The following MRPL1 variants were observed in gnomAD, a reference collection of about 807,000 sequenced individuals.
MRPL1 encodes mitochondrial ribosomal protein L1.
Under a neutral mutation model 38.0 loss-of-function variants are expected in MRPL1, and 28 were observed. The ratio of observed to expected loss-of-function variants is 0.74; its 90% CI spans 0.55 to 1.01. The LOEUF is 1.01. MRPL1 is among the 50% of genes least tolerant of loss of function. The pLI is 0.00. For synonymous variants in MRPL1, 123 were observed against 126.7 expected, an observed-to-expected ratio of 0.97 and a Z score of 0.20; for missense variants, 358 against 389.8, an observed-to-expected ratio of 0.92 and a Z score of 0.69.
At chr4:77,871,916 A>G (rs1735290165) in intron 2 of MRPL1, 61 bp downstream of exon 2, 2 of 1,097,872 alleles carry the variant, frequency 1.8e-6, no homozygotes, top group Admixed American at 2.0e-5. Context: ...TTTAAAAAGC[A>G]TGTTTAGTTC....
chr4:77,890,405 A>G (rs542564188), intron 5 of MRPL1, among the ~76,000 whole-genome samples: 1 of 152,334 alleles, frequency 6.6e-6, no homozygotes, highest in South Asian at 2.1e-4. Context: ...ATCTCAATAG[A>G]TGCAGAAAAG....
chr4:77,881,843 G>T (rs552118619), intron 2 of MRPL1, among the ~76,000 whole-genome samples: 5 of 152,216 alleles, frequency 3.3e-5, no homozygotes, highest in Admixed American at 2.0e-4. Flanking sequence ...AGAAAGGGCG[G>T]GAACAGACTC....
chr4:77,946,632 T>C (rs1737276661), intron 7 of MRPL1, among the ~76,000 whole-genome samples: 1 of 152,198 alleles, frequency 6.6e-6, no homozygotes, highest in Non-Finnish European at 1.5e-5. Context: ...CATATTAAAA[T>C]GAAATATTCA....
chr4:77,941,063 C>G (rs571923531), intron 7 of MRPL1, among the ~76,000 whole-genome samples: 27 of 152,128 alleles, frequency 1.8e-4, no homozygotes, highest in Admixed American at 1.7e-3. Flanking sequence ...GTCAGGAGTT[C>G]AAGACCACCC....
At chr4:77,894,822 A>C (rs562029623) in intron 6 of MRPL1, among the ~76,000 whole-genome samples, 12 of 152,158 alleles carry the variant, frequency 7.9e-5, no homozygotes, top group Non-Finnish European at 1.5e-4. Flanking sequence ...ATAGGTGAGG[A>C]ATCAGGGAAG....
Position 77,868,364 on chromosome 4 carries a change from C to T in MRPL1, c.32-3380C>T, listed in dbSNP as rs1027453541. Among the ~76,000 whole-genome samples the T allele has an allele frequency of 4.6e-5, 7 of 152,152 alleles. No individual in the cohort carries two copies. In the South Asian group the frequency reaches 6.2e-4, roughly 14 times the overall value. ...TCAAGCAGTTCCTGCCTCAGCCTCC[C>T]GAGTAGCTGGGATTACAGGAGCATG... On this transcript the variant is annotated intron_variant, in intron 1 of 8. Transcript: ENST00000315567.
intron 8 of MRPL1, 107 bp downstream of exon 8, chr4:77,949,985 A>G: frequency 1.9e-6 from 1 of 532,242 alleles, no homozygotes; most frequent in Non-Finnish European, 3.4e-6. Context: ...AGCAAAATGT[A>G]AAATATTAAA....
chr4:77,877,973 G>A (rs111787486), intron 2 of MRPL1, among the ~76,000 whole-genome samples: 3 of 152,246 alleles, frequency 2.0e-5, no homozygotes, highest in African/African-American at 7.2e-5. Flanking sequence ...CACCTGGTGG[G>A]AGGTATGTGG....
At chr4:77,887,891 T>G (rs1348908625) in intron 5 of MRPL1, among the ~76,000 whole-genome samples, 1 of 152,144 alleles carries the variant, frequency 6.6e-6, no homozygotes, top group Non-Finnish European at 1.5e-5. Context: ...TTTCGCTTCT[T>G]TTTTGTCTGA....
chr4:77,926,612 CTT>C (rs113752899), intron 7 of MRPL1, among the ~76,000 whole-genome samples: 2 of 134,934 alleles, frequency 1.5e-5, no homozygotes, highest in African/African-American at 2.9e-5. Context: ...TTCTTTTTTA[CTT>C]TTTTTTTTTT....
At chr4:77,930,054 C>T (rs1281947785) in intron 7 of MRPL1, among the ~76,000 whole-genome samples, 7 of 152,136 alleles carry the variant, frequency 4.6e-5, no homozygotes, top group African/African-American at 7.2e-5. Context: ...GACCAGATTT[C>T]GAAGTACCAT....
intron 2 of MRPL1, among the ~76,000 whole-genome samples, chr4:77,874,772 ATTTTC>A: frequency 1.4e-5 from 2 of 140,228 alleles, no homozygotes; most frequent in East Asian, 2.1e-4. Context: ...AGCCACTTAT[ATTTTC>A]TTTTCTTTTT....
intron 7 of MRPL1, 110 bp downstream of exon 7, chr4:77,909,482 T>A: frequency 3.0e-6 from 2 of 673,958 alleles, no homozygotes; most frequent in Non-Finnish European, 5.1e-6. Flanking sequence ...TTTTTGGCAC[T>A]AGCATTAAGA....
intron 1 of MRPL1, among the ~76,000 whole-genome samples, chr4:77,863,855 A>G (rs1034755282): frequency 4.6e-5 from 7 of 152,194 alleles, no homozygotes; most frequent in African/African-American, 1.7e-4. Flanking sequence ...TAGAAGCAGT[A>G]GCCAGCATTA....
At chr4:77,946,219 C>G (rs567544624) in intron 7 of MRPL1, among the ~76,000 whole-genome samples, 1 of 152,098 alleles carries the variant, frequency 6.6e-6, no homozygotes, top group Non-Finnish European at 1.5e-5. Context: ...CCTACTTGCA[C>G]GTCCATTTAT....
At chr4:77,871,308 CTTT>C (rs11327498) in intron 1 of MRPL1, among the ~76,000 whole-genome samples, 2 of 144,004 alleles carry the variant, frequency 1.4e-5, no homozygotes, top group African/African-American at 5.1e-5. Flanking sequence ...TATTATTACA[CTTT>C]TTTTTTTTTT....
At chr4:77,898,362 C>A (rs1015919081) in intron 6 of MRPL1, among the ~76,000 whole-genome samples, 10 of 150,980 alleles carry the variant, frequency 6.6e-5, no homozygotes, top group Non-Finnish European at 1.3e-4. Context: ...GAGTATAGTA[C>A]CTGGAAAATA....
chr4:77,934,091 T>C (rs911979617), intron 7 of MRPL1, among the ~76,000 whole-genome samples: 1 of 152,236 alleles, frequency 6.6e-6, no homozygotes, highest in Non-Finnish European at 1.5e-5. Context: ...ACACAGCAAC[T>C]TAGAATCTCA....
intron 5 of MRPL1, among the ~76,000 whole-genome samples, chr4:77,888,305 GAC>G: frequency 6.6e-6 from 1 of 152,212 alleles, no homozygotes; most frequent in South Asian, 2.1e-4. Flanking sequence ...AGGAGTTTGG[GAC>G]CAGCCTGGCC....
Sources: gnomAD v4.1 joint callset for allele counts (sites outside exome capture counted in the v4.1 genomes callset) on GRCh38, gnomAD v4.1.1 for gene constraint, MANE v1.5 for transcripts, NCBI Gene and HGNC (gene_info 2026-07-23, HGNC 2026-07-21) for gene names.